Variants in SGIP1 observed in about 807,000 individuals in gnomAD.
The protein encoded by SGIP1 is SH3GL interacting endocytic adaptor 1.
SGIP1 carries 38 observed loss-of-function variants against 107.5 expected under a neutral mutation model. That is an observed-to-expected ratio of 0.35 (90% CI 0.27 to 0.46). SGIP1 has a LOEUF of 0.46. Among genes scored for constraint, SGIP1 ranks in the 20% least tolerant of loss-of-function variants. The pLI is 1.00. For synonymous variants in SGIP1, 365 were observed against 366.1 expected (o/e 1.00, Z 0.03); for missense variants, 929 against 1,019.5 (o/e 0.91, Z 1.21).
At chr1:66,590,818 C>G (rs965774180) in intron 1 of SGIP1, among the ~76,000 whole-genome samples, 5 of 151,938 alleles carry the variant, frequency 3.3e-5, no homozygotes, top group African/African-American at 1.2e-4. Flanking sequence ...AGGCTGGTCT[C>G]AAGTGATCTG....
rs182149289 is a variant in SGIP1, at chr1:66,694,496, C to T, written c.1571-938C>T. The T allele has an allele frequency of 3.6e-5, 57 of 1,602,830 alleles. No individual in the cohort carries two copies. In the East Asian group the frequency reaches 6.5e-4, roughly 18 times the overall value. ...CCCTCGTTTGAAAGGCGCTGTGAAA[C>T]GCCTGCAGGTATGGTGCTAGCCAAG... On this transcript the variant is annotated intron_variant, in intron 17 of 24. Coordinates refer to ENST00000371037, the MANE Select transcript of SGIP1 (RefSeq NM_032291.4).
chr1:66,561,010 C>T (rs1457966590), intron 1 of SGIP1, among the ~76,000 whole-genome samples: 2 of 151,998 alleles, frequency 1.3e-5, no homozygotes. Flanking sequence ...CCTGTATTTA[C>T]ACATATTTTC....
chr1:66,659,984 A>C (rs533690859), intron 7 of SGIP1: 7 of 89,360 alleles, frequency 7.8e-5, no homozygotes, highest in Non-Finnish European at 1.1e-4. Context: ...GAAAGAAAGA[A>C]AGAAAGAAAG....
intron 13 of SGIP1, among the ~76,000 whole-genome samples, chr1:66,677,341 A>G (rs1464635414): frequency 6.6e-6 from 1 of 152,246 alleles, no homozygotes; most frequent in African/African-American, 2.4e-5. Context: ...CTGAAATCCC[A>G]CATGCTTATT....
intron 3 of SGIP1, 63 bp from the exon 4 acceptor site, chr1:66,635,879 ATG>A (rs2075678379): frequency 1.3e-6 from 2 of 1,502,872 alleles, no homozygotes; most frequent in Admixed American, 3.5e-5. Context: ...AATTCTTTAT[ATG>A]TGTCTTGAAG....
intron 7 of SGIP1, among the ~76,000 whole-genome samples, chr1:66,647,406 GT>G (rs1296862600): frequency 2.6e-5 from 4 of 152,288 alleles, no homozygotes; most frequent in African/African-American, 9.6e-5. Context: ...CTGCAAGGGA[GT>G]CTGGAAAATG....
In SGIP1 at chr1:66,749,294, C is replaced by T. The variant is rs758741922; in HGVS notation, c.*6199C>T. Among the ~76,000 whole-genome samples, 44 of 151,964 alleles carry T rather than the reference C, an allele frequency of 2.9e-4. No individual in the cohort carries two copies. Among genetic ancestry groups the T allele is most frequent in the Admixed American group, 4.6e-4 (7 of 15,264 alleles). On this transcript the variant is annotated 3_prime_UTR_variant, in exon 25 of 25. Transcript: ENST00000371037. Reference sequence around the variant, plus strand: ...CGTTTTACTAAACAGCTTTAGGAAACTGAATCATGATAGATCAATGTTGAC... The same window carrying T: ...CGTTTTACTAAACAGCTTTAGGAAATTGAATCATGATAGATCAATGTTGAC...
intron 16 of SGIP1, among the ~76,000 whole-genome samples, chr1:66,689,833 T>G (rs1423635282): frequency 2.6e-5 from 4 of 152,204 alleles, no homozygotes; most frequent in African/African-American, 9.6e-5. Context: ...ATGATGTCCA[T>G]AGCATTTGGC....
chr1:66,633,525 T>C (rs1320013118), intron 3 of SGIP1, among the ~76,000 whole-genome samples: 1 of 152,202 alleles, frequency 6.6e-6, no homozygotes. Context: ...TGCAGATACA[T>C]TTTCTATATT....
chr1:66,630,244 C>T (rs2073964229), intron 2 of SGIP1, among the ~76,000 whole-genome samples: 1 of 152,134 alleles, frequency 6.6e-6, no homozygotes, highest in Non-Finnish European at 1.5e-5. Context: ...CAAATGCCTC[C>T]CATTTAAGAT....
rs2094541743 is a variant in SGIP1 at position 66,745,615 on chromosome 1, C to T, written c.*2520C>T. ...TCAGATTCATTTATTCATTTTATTC[C>T]CAAGTCAGAACAAAATGAACTAGTA... On this transcript the variant is annotated 3_prime_UTR_variant, in exon 25 of 25. Coordinates refer to ENST00000371037, the MANE Select transcript of SGIP1 (RefSeq NM_032291.4). 6.6e-6 allele frequency: 1 copy of T among 151,850 alleles called. No individual in the cohort carries two copies. Among genetic ancestry groups the T allele is most frequent in the Admixed American group, 6.6e-5 (1 of 15,248 alleles). The allele number at this position is 151,850 out of a possible 1,614,324, so 9.4% of individuals were successfully genotyped here.
intron 3 of SGIP1, among the ~76,000 whole-genome samples, chr1:66,633,703 A>G (rs1294728468): frequency 2.0e-5 from 3 of 152,166 alleles, no homozygotes; most frequent in Non-Finnish European, 2.9e-5. Context: ...GCTTAGATTT[A>G]TCCGAGTTGT....
intron 12 of SGIP1, 103 bp downstream of exon 12, chr1:66,673,469 T>C: frequency 1.9e-6 from 2 of 1,071,056 alleles, no homozygotes; most frequent in Non-Finnish European, 2.5e-6. Context: ...TTTTAATATA[T>C]TATTTTCGTG....
chr1:66,589,208 A>ATGTGTGTGTGTGTGTGTGTGTGTG (rs1453675527), intron 1 of SGIP1, among the ~76,000 whole-genome samples: 1 of 87,524 alleles, frequency 1.1e-5, no homozygotes, highest in Non-Finnish European at 2.3e-5. Context: ...ATATATATAT[A>ATGTGTGTGTGTGTGTGTGTGTGTG]TATATATATG....
chr1:66,610,406 C>T (rs1406958778), intron 1 of SGIP1, among the ~76,000 whole-genome samples: 1 of 152,138 alleles, frequency 6.6e-6, no homozygotes, highest in Admixed American at 6.5e-5. Context: ...GACCAGGCTC[C>T]CCTAAAATTT....
Position 66,726,016 on chromosome 1 carries a change from G to A in SGIP1, c.1743-3248G>A, listed in dbSNP as rs569043380. Among the ~76,000 whole-genome samples the A allele has an allele frequency of 1.1e-4, 17 of 152,334 alleles. No homozygotes were observed. The South Asian group carries it at 3.1e-3, about 28-fold the overall frequency. On this transcript the variant is annotated intron_variant, in intron 19 of 24. Transcript: ENST00000371037. ...CCAGCCAGTTGTACTACATGAGTCA[G>A]ATGACAGGAAAGCTGTCTGTGCTAC...
intron 17 of SGIP1, among the ~76,000 whole-genome samples, chr1:66,691,773 T>G (rs977444812): frequency 6.6e-6 from 1 of 152,194 alleles, no homozygotes; most frequent in Admixed American, 6.5e-5. Context: ...AAGAGTAAAC[T>G]GTCACTCAGA....
At chr1:66,606,330 T>C (rs2066836384) in intron 1 of SGIP1, among the ~76,000 whole-genome samples, 1 of 152,252 alleles carries the variant, frequency 6.6e-6, no homozygotes, top group South Asian at 2.1e-4. Context: ...TAGCACACAG[T>C]AGGAACTATG....
intron 4 of SGIP1, among the ~76,000 whole-genome samples, chr1:66,639,080 T>C (rs2076303068): frequency 6.6e-6 from 1 of 152,180 alleles, no homozygotes; most frequent in South Asian, 2.1e-4. Flanking sequence ...AAGAAAACTT[T>C]AAGAAGAGAG....
Sources: allele counts gnomAD v4.1 joint callset (sites outside exome capture counted in the v4.1 genomes callset), GRCh38; gene constraint gnomAD v4.1.1; transcripts MANE v1.5; gene names NCBI Gene and HGNC (gene_info 2026-07-23, HGNC 2026-07-21).